The following TTC23 variants were observed in gnomAD, a reference collection of about 807,000 sequenced individuals.
TTC23 encodes tetratricopeptide repeat protein 23.
Under a neutral mutation model 55.1 loss-of-function variants are expected in TTC23, and 58 were observed. The observed-to-expected ratio is 1.05, with a 90% CI of 0.85 to 1.31. The LOEUF is 1.31. Among genes scored for constraint, TTC23 ranks in the 50% most tolerant of loss-of-function variants. The pLI is 0.00. For missense variants in TTC23, 516 were observed against 534.4 expected (o/e 0.97, Z 0.34); for synonymous variants, 203 against 199.9 (o/e 1.02, Z -0.13).
intron 12 of TTC23, among the ~76,000 whole-genome samples, chr15:99,143,270 A>C (rs1007736853): frequency 6.6e-6 from 1 of 152,264 alleles, no homozygotes; most frequent in East Asian, 1.9e-4. Flanking sequence ...AGAAACATAA[A>C]TTGAATTTTT....
chr15:99,241,114 C>T (rs138621979), intron 3 of TTC23, among the ~76,000 whole-genome samples: 4 of 152,200 alleles, frequency 2.6e-5, no homozygotes, highest in Admixed American at 1.3e-4. Flanking sequence ...GTCGGGAGTT[C>T]GAGGCCAGCC....
At chr15:99,231,168 C>T (rs983505515) in intron 4 of TTC23, among the ~76,000 whole-genome samples, 1 of 152,138 alleles carries the variant, frequency 6.6e-6, no homozygotes, top group African/African-American at 2.4e-5. Context: ...AAAGCATATA[C>T]AATTATGTAC....
intron 8 of TTC23, among the ~76,000 whole-genome samples, chr15:99,215,659 T>C (rs572840422): frequency 2.0e-5 from 3 of 152,114 alleles, no homozygotes; most frequent in South Asian, 2.1e-4. Flanking sequence ...GATGAGAGGA[T>C]TGCTTGAGCC....
intron 10 of TTC23, 76 bp from the exon 11 acceptor site, chr15:99,161,943 G>A: frequency 7.0e-7 from 1 of 1,423,626 alleles, no homozygotes; most frequent in Non-Finnish European, 9.4e-7. Context: ...TATACTGTTA[G>A]CAGTGTTGAG....
At chr15:99,190,566 T>A (rs1487108924) in intron 9 of TTC23, among the ~76,000 whole-genome samples, 1 of 152,212 alleles carries the variant, frequency 6.6e-6, no homozygotes, top group East Asian at 1.9e-4. Flanking sequence ...TGTATATATA[T>A]GTGTGTATGT....
intron 9 of TTC23, among the ~76,000 whole-genome samples, chr15:99,180,954 G>C (rs2074055175): frequency 6.6e-6 from 1 of 152,214 alleles, no homozygotes; most frequent in South Asian, 2.1e-4. Flanking sequence ...CACAGGGAAG[G>C]AGGGAACTAA....
At chr15:99,165,815 T>C (rs1398721049) in intron 10 of TTC23, among the ~76,000 whole-genome samples, 2 of 152,122 alleles carry the variant, frequency 1.3e-5, no homozygotes. Flanking sequence ...TGTCAGCAAA[T>C]GTTGAGGATG....
At chr15:99,143,652 C>T (rs116015968) in intron 12 of TTC23, among the ~76,000 whole-genome samples, 90 of 152,332 alleles carry the variant, frequency 5.9e-4, no homozygotes, top group African/African-American at 2.1e-3. Context: ...CTCTTATTCT[C>T]TTTGATTTTA....
rs911514952 is a variant in TTC23 at position 99,161,779 on chromosome 15, A to T, written c.954T>A (p.Asp318Glu). 1.2e-6 allele frequency: 2 copies of T among 1,613,512 alleles called. No individual in the cohort carries two copies. The highest frequency in any genetic ancestry group is 2.7e-5 in the African/African-American group (2 of 74,912). ...MGRTKFLSIQDEFCHFLQMTG... is the reference protein window; with the variant it reads ...MGRTKFLSIQEEFCHFLQMTG... ...TCATTTGTAGAAAATGGCAAAATTCATCTTGAATTGAAAGAAATTTGGTTC... is the reference window on the plus strand; with the variant it reads ...TCATTTGTAGAAAATGGCAAAATTCTTCTTGAATTGAAAGAAATTTGGTTC... The change falls in exon 11 of 14, where the codon GAT becomes GAA. Residue 318 changes from aspartate (D) to glutamate (E), a missense_variant. Transcript: ENST00000394132.
rs997627303 is a variant in TTC23, at chr15:99,137,991, C to G, written c.*19G>C. The stretch of plus-strand genomic sequence containing the variant: ...TGACAGTGCCCAGGAATGTCCTAGG[C>G]TTTTTCAGGGTGGGGGCCTCAGTCT... On this transcript the variant is annotated 3_prime_UTR_variant, in exon 14 of 14. Coordinates refer to ENST00000394132, the MANE Select transcript of TTC23 (RefSeq NM_001288615.3). The G allele has an allele frequency of 6.2e-7, 1 of 1,613,994 alleles. No homozygotes were observed. Among genetic ancestry groups the G allele is most frequent in the Non-Finnish European group, 8.5e-7 (1 of 1,179,976 alleles).
intron 4 of TTC23, among the ~76,000 whole-genome samples, chr15:99,232,924 G>T (rs1180670385): frequency 1.3e-5 from 2 of 152,298 alleles, no homozygotes; most frequent in East Asian, 3.9e-4. Context: ...AGAAAATGTG[G>T]TATGTATACA....
At chr15:99,176,784 G>A (rs541148429) in intron 9 of TTC23, among the ~76,000 whole-genome samples, 1 of 152,252 alleles carries the variant, frequency 6.6e-6, no homozygotes, top group East Asian at 1.9e-4. Context: ...AACTAAGATT[G>A]CTGAATGGGT....
intron 4 of TTC23, among the ~76,000 whole-genome samples, chr15:99,233,538 T>C (rs1047503381): frequency 1.3e-5 from 2 of 152,208 alleles, no homozygotes; most frequent in Non-Finnish European, 1.5e-5. Context: ...AGATCTAATA[T>C]CTAATATCTA....
intron 12 of TTC23, among the ~76,000 whole-genome samples, chr15:99,146,136 G>A (rs899138855): frequency 1.6e-4 from 24 of 152,288 alleles, no homozygotes; most frequent in East Asian, 7.7e-4. Flanking sequence ...TCTCCACAAC[G>A]ACTGCAATAC....
chr15:99,173,981 A>G (rs1327288223), intron 10 of TTC23, among the ~76,000 whole-genome samples: 1 of 152,216 alleles, frequency 6.6e-6, no homozygotes, highest in African/African-American at 2.4e-5. Flanking sequence ...CTCCTATTAC[A>G]TGAATTTTAG....
intron 9 of TTC23, among the ~76,000 whole-genome samples, chr15:99,176,486 C>T (rs975682505): frequency 2.0e-5 from 3 of 152,124 alleles, no homozygotes; most frequent in African/African-American, 7.2e-5. Context: ...TGGCATATGC[C>T]TGCAGTCCCA....
chr15:99,139,632 G>A (rs2067988489), intron 12 of TTC23: 1 of 1,499,522 alleles, frequency 6.7e-7, no homozygotes, highest in Non-Finnish European at 8.9e-7. Flanking sequence ...GTGACTATCT[G>A]TATGCAAAAA....
intron 9 of TTC23, among the ~76,000 whole-genome samples, chr15:99,186,954 A>T (rs2074724687): frequency 6.6e-6 from 1 of 152,114 alleles, no homozygotes. Flanking sequence ...GCAGAAATTG[A>T]CAAGCTGATC....
intron 9 of TTC23, among the ~76,000 whole-genome samples, chr15:99,180,586 A>G (rs1353299935): frequency 6.6e-6 from 1 of 152,224 alleles, no homozygotes; most frequent in Admixed American, 6.5e-5. Context: ...ATGACTAGTG[A>G]AAAGGATGAG....
Sources: allele counts gnomAD v4.1 joint callset (sites outside exome capture counted in the v4.1 genomes callset), GRCh38; gene constraint gnomAD v4.1.1; transcripts MANE v1.5; gene names NCBI Gene and HGNC (gene_info 2026-07-23, HGNC 2026-07-21).